The following OSBPL10 variants were observed in gnomAD, a reference collection of about 807,000 sequenced individuals.
OSBPL10 encodes oxysterol binding protein like 10.
OSBPL10 carries 49 observed loss-of-function variants against 81.7 expected under a neutral mutation model. The observed-to-expected ratio is 0.60, with a 90% CI of 0.48 to 0.76. OSBPL10 has a LOEUF of 0.76. Among genes scored for constraint, OSBPL10 ranks in the 30% least tolerant of loss-of-function variants. The pLI is 0.00. For synonymous variants in OSBPL10, 419 were observed against 383.6 expected (o/e 1.09, Z -1.08); for missense variants, 923 against 987.8 (o/e 0.93, Z 0.88).
At position 31,708,312 on chromosome 3, in the gene OSBPL10, T is replaced by C. The variant is rs1025315291; in HGVS notation, c.1096-5804A>G. ...AACCAAGGACTTAGTCCCTTTTATC[T>C]CTAGTCATTTTCTCATTCCAATATG... On this transcript the variant is annotated intron_variant, in intron 6 of 11. Coordinates refer to ENST00000396556, the MANE Select transcript of OSBPL10 (RefSeq NM_017784.5). 2.0e-5 allele frequency among the ~76,000 whole-genome samples: 3 copies of C among 152,300 alleles called. 1 individual carries two copies. Among genetic ancestry groups the C allele is most frequent in the African/African-American group, 7.2e-5 (3 of 41,568 alleles).
intron 1 of OSBPL10, among the ~76,000 whole-genome samples, chr3:31,903,864 G>C (rs1023343214): frequency 6.6e-6 from 1 of 152,116 alleles, no homozygotes; most frequent in Non-Finnish European, 1.5e-5. Context: ...ACGGGGTTGC[G>C]GGGATGGGAG....
intron 6 of OSBPL10, among the ~76,000 whole-genome samples, chr3:31,731,911 G>T (rs940292455): frequency 2.6e-5 from 4 of 152,140 alleles, no homozygotes; most frequent in Admixed American, 6.5e-5. Context: ...AACCTTGGGG[G>T]TCAGAGGGAA....
intron 1 of OSBPL10, among the ~76,000 whole-genome samples, chr3:31,946,184 T>C (rs1697697948): frequency 6.6e-6 from 1 of 152,072 alleles, no homozygotes; most frequent in South Asian, 2.1e-4. Flanking sequence ...TTTCACCACG[T>C]TGGCCAGCTG....
rs56109819 is a variant in OSBPL10, at chr3:31,963,172, C to G, written c.281+17727G>C. On this transcript the variant is annotated intron_variant, in intron 1 of 11. Transcript: ENST00000396556. Reference sequence around the variant, plus strand: ...TTGCGTACATCTGCTTTATCATGCTCTCTAGCCATCTCTCCCCTCCCTTCT... The same window carrying G: ...TTGCGTACATCTGCTTTATCATGCTGTCTAGCCATCTCTCCCCTCCCTTCT... 1.5e-3 allele frequency among the ~76,000 whole-genome samples: 225 copies of G among 152,088 alleles called. 1 individual carries two copies. The highest frequency in any genetic ancestry group is 5.2e-3 in the African/African-American group (214 of 41,486).
chr3:31,714,889 CAG>C (rs1392067897), intron 6 of OSBPL10: 2 of 151,752 alleles, frequency 1.3e-5, no homozygotes, highest in East Asian at 1.9e-4. Flanking sequence ...ACCACACCAC[CAG>C]AGTGTTCTTC....
chr3:31,925,111 C>T (rs1216191326), intron 1 of OSBPL10, among the ~76,000 whole-genome samples: 1 of 152,152 alleles, frequency 6.6e-6, no homozygotes, highest in Non-Finnish European at 1.5e-5. Context: ...CTCCTGGGGA[C>T]CTATTTCCTC....
chr3:31,956,716 G>A (rs187041233), intron 1 of OSBPL10, among the ~76,000 whole-genome samples: 109 of 150,608 alleles, frequency 7.2e-4, no homozygotes, highest in Non-Finnish European at 1.2e-3. Flanking sequence ...CGACAAGAGC[G>A]AAACTCCGTC....
chr3:31,743,678 C>A (rs949087190), intron 5 of OSBPL10, among the ~76,000 whole-genome samples: 2 of 152,032 alleles, frequency 1.3e-5, no homozygotes, highest in South Asian at 2.1e-4. Flanking sequence ...AAAAACAGTG[C>A]AAGGATCAGA....
chr3:31,706,739 A>G lies in OSBPL10; in HGVS notation c.1096-4231T>C, dbSNP rs186805453. ...AATACAAATGCAGATTTCAAGCATG[A>G]CTGAAATGCCAATCTTTTTATTCAA... On this transcript the variant is annotated intron_variant, in intron 6 of 11. Transcript: ENST00000396556. Among the ~76,000 whole-genome samples the G allele has an allele frequency of 6.6e-5, 10 of 152,360 alleles. No homozygotes were observed. In the East Asian group the frequency reaches 1.9e-3, roughly 29 times the overall value.
At chr3:31,663,827 T>TA in intron 11 of OSBPL10, 3 of 1,396,086 alleles carry the variant, frequency 2.1e-6, no homozygotes, top group Non-Finnish European at 2.8e-6. Flanking sequence ...GACATGCTTT[T>TA]CTGACATAGG....
chr3:31,807,690 A>G (rs1039671191), intron 4 of OSBPL10, among the ~76,000 whole-genome samples: 3 of 152,120 alleles, frequency 2.0e-5, no homozygotes, highest in African/African-American at 7.2e-5. Context: ...GTGAGCTATG[A>G]TTGGGCCACG....
At chr3:31,810,973 A>T (rs1699663903) in intron 4 of OSBPL10, among the ~76,000 whole-genome samples, 1 of 152,186 alleles carries the variant, frequency 6.6e-6, no homozygotes, top group African/African-American at 2.4e-5. Flanking sequence ...GTTCAGCGAG[A>T]GTGTCGAGTG....
chr3:31,914,945 A>G (rs1696707437), intron 1 of OSBPL10, among the ~76,000 whole-genome samples: 1 of 151,838 alleles, frequency 6.6e-6, no homozygotes, highest in Non-Finnish European at 1.5e-5. Flanking sequence ...GGATGTGTCT[A>G]TTGTGTTTTG....
chr3:32,076,608 C>T (rs556373088), intron 1 of OSBPL10, among the ~76,000 whole-genome samples: 21 of 152,126 alleles, frequency 1.4e-4, no homozygotes, highest in Admixed American at 2.6e-4. Flanking sequence ...CCTAGACAGC[C>T]GTTTTATCAA....
At chr3:31,725,049 A>T (rs1696763843) in intron 6 of OSBPL10, among the ~76,000 whole-genome samples, 1 of 152,210 alleles carries the variant, frequency 6.6e-6, no homozygotes, top group Admixed American at 6.5e-5. Context: ...TGGTTAAGAG[A>T]CATTTCTCTT....
At chr3:31,787,745 T>G (rs945093308) in intron 4 of OSBPL10, among the ~76,000 whole-genome samples, 3 of 152,192 alleles carry the variant, frequency 2.0e-5, no homozygotes, top group African/African-American at 7.2e-5. Flanking sequence ...ACAGTCTACA[T>G]GCTTCACATC....
At chr3:31,918,501 G>A (rs1360811793) in intron 1 of OSBPL10, among the ~76,000 whole-genome samples, 1 of 128,992 alleles carries the variant, frequency 7.8e-6, no homozygotes, top group East Asian at 2.2e-4. Flanking sequence ...TGTGTCTAAA[G>A]AGTTTGGAAT....
chr3:31,724,850 AAGAC>A (rs1167466983), intron 6 of OSBPL10, among the ~76,000 whole-genome samples: 1 of 152,210 alleles, frequency 6.6e-6, no homozygotes, highest in African/African-American at 2.4e-5. Context: ...GCTGTTTTGC[AAGAC>A]AGACAGGAGG....
At chr3:31,872,455 T>G (rs73061440) in intron 3 of OSBPL10, among the ~76,000 whole-genome samples, 29,624 of 149,072 alleles carry the variant, frequency 0.2, 3,071 homozygotes, top group South Asian at 0.33. Context: ...TGTTGTTGTT[T>G]TTTTTTTTTT....
Sources: allele counts gnomAD v4.1 joint callset (sites outside exome capture counted in the v4.1 genomes callset), GRCh38; gene constraint gnomAD v4.1.1; transcripts MANE v1.5; gene names NCBI Gene and HGNC (gene_info 2026-07-23, HGNC 2026-07-21).